Variants in TTC28 observed in about 807,000 individuals in gnomAD.
TTC28 encodes tetratricopeptide repeat domain 28, also known as tetratricopeptide repeat protein 28.
Under a neutral mutation model 198.0 loss-of-function variants are expected in TTC28, and 61 were observed. The ratio of observed to expected loss-of-function variants is 0.31; its 90% CI spans 0.25 to 0.38. The LOEUF is 0.38. Ranked by LOEUF, TTC28 falls within the 10% of genes least tolerant of loss-of-function variation. The pLI, the probability that TTC28 is intolerant of heterozygous loss-of-function variation, is 1.00. For synonymous variants in TTC28, 1,171 were observed against 1,297.8 expected (o/e 0.90, Z 2.10); for missense variants, 2,678 against 3,164.0 (o/e 0.85, Z 3.69).
Position 28,094,895 on chromosome 22 carries a change from C to T in TTC28, c.3767-650G>A, listed in dbSNP as rs553963181. Among the ~76,000 whole-genome samples the T allele has an allele frequency of 9.9e-5, 15 of 152,190 alleles. No individual in the cohort carries two copies. In the South Asian group the frequency reaches 1.2e-3, roughly 13 times the overall value. Reference sequence around the variant, plus strand: ...AATGAGGTGTGTCAGCTCTGGAAAACGCCGGTCCTCTCTGATTGGATTAGC... The same window carrying T: ...AATGAGGTGTGTCAGCTCTGGAAAATGCCGGTCCTCTCTGATTGGATTAGC... On this transcript the variant is annotated intron_variant, in intron 11 of 22. Transcript: ENST00000397906.
chr22:28,560,825 C>T lies in TTC28; in HGVS notation c.381+68727G>A, dbSNP rs148112923. ...CAGGCTGGAGTGCAGTGGCATGTCT[C>T]GGCTCACTCCAACCTCCTCCTCCTG... On this transcript the variant is annotated intron_variant, in intron 2 of 22. Transcript: ENST00000397906. Among the ~76,000 whole-genome samples the T allele has an allele frequency of 1.9e-3, 285 of 147,684 alleles. 2 individuals carry two copies. The highest frequency in any genetic ancestry group is 0.016 in the Middle Eastern group (4 of 248).
chr22:28,198,715 C>T (rs776261522), intron 5 of TTC28, among the ~76,000 whole-genome samples: 4 of 152,010 alleles, frequency 2.6e-5, no homozygotes, highest in African/African-American at 7.2e-5. Flanking sequence ...GTTCCACACA[C>T]GTATTGAGAC....
chr22:28,397,936 T>A (rs1320331652), intron 2 of TTC28, among the ~76,000 whole-genome samples: 1 of 152,160 alleles, frequency 6.6e-6, no homozygotes, highest in Non-Finnish European at 1.5e-5. Flanking sequence ...AGCCGCATAG[T>A]AAGCCCTAGA....
intron 2 of TTC28, among the ~76,000 whole-genome samples, chr22:28,316,548 A>G (rs1204649489): frequency 6.6e-6 from 1 of 152,166 alleles, no homozygotes; most frequent in East Asian, 1.9e-4. Context: ...AACTGGCATC[A>G]TAACTATAGT....
chr22:28,220,549 C>G (rs769977452), intron 5 of TTC28, among the ~76,000 whole-genome samples: 3 of 152,226 alleles, frequency 2.0e-5, no homozygotes, highest in Non-Finnish European at 2.9e-5. Flanking sequence ...AGACTGCCCT[C>G]AGCTCCTCAA....
At chr22:28,274,908 G>C (rs1003087808) in intron 5 of TTC28, among the ~76,000 whole-genome samples, 3 of 149,790 alleles carry the variant, frequency 2.0e-5, no homozygotes, top group Non-Finnish European at 4.4e-5. Context: ...GAACCCAGAA[G>C]GTGGAGGTTG....
chr22:28,655,719 C>T (rs541468241), intron 1 of TTC28, among the ~76,000 whole-genome samples: 11 of 152,064 alleles, frequency 7.2e-5, no homozygotes, highest in African/African-American at 1.9e-4. Context: ...GGCGCCGTGG[C>T]GGGCGCCTGT....
At chr22:28,546,725 T>C (rs887803067) in intron 2 of TTC28, among the ~76,000 whole-genome samples, 1 of 152,030 alleles carries the variant, frequency 6.6e-6, no homozygotes, top group Non-Finnish European at 1.5e-5. Flanking sequence ...CAAAGGTCCA[T>C]CAACAAGTAA....
chr22:28,565,889 G>A (rs2049959387), intron 2 of TTC28, among the ~76,000 whole-genome samples: 1 of 152,142 alleles, frequency 6.6e-6, no homozygotes, highest in African/African-American at 2.4e-5. Flanking sequence ...TGAAATAAAG[G>A]ACCTTCCAAA....
intron 5 of TTC28, among the ~76,000 whole-genome samples, chr22:28,186,080 T>TA (rs397868180): frequency 5.9e-5 from 9 of 152,208 alleles, no homozygotes; most frequent in South Asian, 4.1e-4. Context: ...CAATTTTTTT[T>TA]AAAAATGGTA....
At chr22:28,081,152 TACAC>T (rs59531236) in intron 12 of TTC28, among the ~76,000 whole-genome samples, 12,480 of 148,698 alleles carry the variant, frequency 0.084, 550 homozygotes, top group South Asian at 0.11. Context: ...TGGACATACA[TACAC>T]ACACACACAC....
chr22:28,033,127 T>G (rs1290664217), intron 12 of TTC28, among the ~76,000 whole-genome samples: 1 of 152,204 alleles, frequency 6.6e-6, no homozygotes, highest in Non-Finnish European at 1.5e-5. Context: ...GGGACCGGTA[T>G]CAGCCTCCAT....
At chr22:28,161,996 T>A (rs1007033403) in intron 6 of TTC28, among the ~76,000 whole-genome samples, 3 of 152,094 alleles carry the variant, frequency 2.0e-5, no homozygotes, top group African/African-American at 7.2e-5. Flanking sequence ...AAGGTCAACT[T>A]CTCTTTGTCC....
rs1379810440 is a variant in TTC28, at chr22:28,563,023, TGAGGCA to T, written c.381+66523_381+66528del. Among the ~76,000 whole-genome samples the T allele has an allele frequency of 3.3e-5, 5 of 151,816 alleles. No individual in the cohort carries two copies. In the East Asian group the frequency reaches 9.7e-4, roughly 29 times the overall value. On this transcript the variant is annotated intron_variant, in intron 2 of 22. Transcript: ENST00000397906. The stretch of plus-strand genomic sequence containing the variant: ...CTGTAGTCCCAGCTACTTAGGAGGG[TGAGGCA>T]GGAGGGTCGCTTGAGCTCAGGAGGC...
At chr22:28,228,267 GA>G (rs1356839886) in intron 5 of TTC28, among the ~76,000 whole-genome samples, 1 of 152,116 alleles carries the variant, frequency 6.6e-6, no homozygotes, top group Non-Finnish European at 1.5e-5. Context: ...TTGGGAAAAT[GA>G]AATTGTTCTG....
chr22:28,296,269 C>T lies in TTC28; in HGVS notation c.862G>A (p.Gly288Arg). The change falls in exon 5 of 23, where the codon GGA becomes AGA. Residue 288 changes from glycine (G) to arginine (R), a missense_variant. Coordinates refer to ENST00000397906, the MANE Select transcript of TTC28 (RefSeq NM_001145418.2). ...TTAGTGAGAGCCTCCCGGTAATTTCCTTTGGAGAAGAATGCAGAGCCCAGA... is the reference window on the plus strand; with the variant it reads ...TTAGTGAGAGCCTCCCGGTAATTTCTTTTGGAGAAGAATGCAGAGCCCAGA... ...GNLGSAFFSK[G>R]NYREALTNHR... 6.4e-7 allele frequency: 1 copy of T among 1,550,706 alleles called. No homozygotes were observed. Among genetic ancestry groups the T allele is most frequent in the South Asian group, 1.2e-5 (1 of 83,930 alleles).
At chr22:28,553,617 C>T (rs1480048558) in intron 2 of TTC28, among the ~76,000 whole-genome samples, 5 of 151,408 alleles carry the variant, frequency 3.3e-5, no homozygotes, top group East Asian at 2.0e-4. Flanking sequence ...AAGTGAGGAG[C>T]GTCTCCGCCC....
intron 2 of TTC28, among the ~76,000 whole-genome samples, chr22:28,389,766 A>T (rs1047727334): frequency 2.1e-4 from 31 of 148,234 alleles, no homozygotes; most frequent in African/African-American, 7.1e-4. Context: ...GTGGTCTATC[A>T]ATTTTGTTGA....
intron 2 of TTC28, among the ~76,000 whole-genome samples, chr22:28,387,815 G>C (rs1037095580): frequency 5.9e-5 from 9 of 152,048 alleles, no homozygotes; most frequent in Non-Finnish European, 1.0e-4. Flanking sequence ...TCTGATGGTA[G>C]TTTCTTTTGC....
Sources: gnomAD v4.1 joint callset for allele counts (sites outside exome capture counted in the v4.1 genomes callset) on GRCh38, gnomAD v4.1.1 for gene constraint, MANE v1.5 for transcripts, NCBI Gene and HGNC (gene_info 2026-07-23, HGNC 2026-07-21) for gene names.